Variants in PTPRD observed in about 807,000 individuals in gnomAD.
The protein encoded by PTPRD is receptor-type tyrosine-protein phosphatase delta.
PTPRD carries 34 observed loss-of-function variants against 214.5 expected under a neutral mutation model. The ratio of observed to expected loss-of-function variants is 0.16; its 90% confidence interval spans 0.12 to 0.21. PTPRD has a LOEUF of 0.21. Among genes scored for constraint, PTPRD ranks in the 10% least tolerant of loss-of-function variants. The pLI is 1.00. For synonymous variants in PTPRD, 1,128 were observed against 845.7 expected, an observed-to-expected ratio of 1.33 and a Z score of -5.79; for missense variants, 2,545 against 2,398.7, an observed-to-expected ratio of 1.06 and a Z score of -1.27.
intron 42 of PTPRD, among the ~76,000 whole-genome samples, chr9:8,339,902 T>C (rs1345051466): frequency 6.6e-6 from 1 of 151,858 alleles, no homozygotes; most frequent in Non-Finnish European, 1.5e-5. Flanking sequence ...TTAGAAAAAC[T>C]ATGTTGCTTT....
intron 9 of PTPRD, among the ~76,000 whole-genome samples, chr9:9,287,749 G>C (rs1442110388): frequency 6.6e-6 from 1 of 151,830 alleles, no homozygotes; most frequent in African/African-American, 2.4e-5. Flanking sequence ...AGATATTTCT[G>C]AGAAACACAT....
chr9:8,536,689 G>C (rs553277602), intron 14 of PTPRD, among the ~76,000 whole-genome samples: 1 of 152,096 alleles, frequency 6.6e-6, no homozygotes, highest in Non-Finnish European at 1.5e-5. Context: ...GCTGAGAATG[G>C]CGGGCCTTCT....
intron 4 of PTPRD, among the ~76,000 whole-genome samples, chr9:9,955,112 G>C (rs1018256053): frequency 6.6e-6 from 1 of 152,110 alleles, no homozygotes; most frequent in African/African-American, 2.4e-5. Context: ...TCATATAGTA[G>C]GCATAGAAAG....
intron 3 of PTPRD, among the ~76,000 whole-genome samples, chr9:10,085,694 G>GACAC (rs137973175): frequency 6.6e-6 from 1 of 150,948 alleles, no homozygotes; most frequent in Non-Finnish European, 1.5e-5. Context: ...ACACATACAT[G>GACAC]ACACACACAC....
In PTPRD at chr9:8,317,745, G is replaced by GTAA; in HGVS notation, c.*126_*128dup. ...AATTTGTTTTTAATTTGTTTTGTGT[G>GTAA]TAATAGTCCCACTAAGTAGTTGTTA... On this transcript the variant is annotated 3_prime_UTR_variant, in exon 46 of 46. Coordinates refer to ENST00000381196, the MANE Select transcript of PTPRD (RefSeq NM_002839.4). 2 of 731,094 alleles carry GTAA rather than the reference G, an allele frequency of 2.7e-6. No homozygotes were observed. The highest frequency in any genetic ancestry group is 4.8e-6 in the Non-Finnish European group (2 of 420,434). 45.3% of individuals were successfully genotyped at this position (731,094 alleles called of 1,614,324 possible).
intron 11 of PTPRD, among the ~76,000 whole-genome samples, chr9:8,901,051 G>C (rs2098664768): frequency 6.6e-6 from 1 of 152,116 alleles, no homozygotes. Flanking sequence ...GGAGGAAAAG[G>C]ACAGTATCAG....
At chr9:9,702,631 G>A (rs184510163) in intron 7 of PTPRD, among the ~76,000 whole-genome samples, 46 of 152,256 alleles carry the variant, frequency 3.0e-4, no homozygotes, top group African/African-American at 1.1e-3. Flanking sequence ...GGAGAAAACA[G>A]AAAAGATATT....
At chr9:9,566,092 T>C (rs2084437633) in intron 8 of PTPRD, among the ~76,000 whole-genome samples, 2 of 151,986 alleles carry the variant, frequency 1.3e-5, no homozygotes, top group Admixed American at 1.3e-4. Context: ...TGCACATTTT[T>C]TCTTCTCCAG....
Position 10,528,764 on chromosome 9 carries a change from T to G in PTPRD, c.-600+83634A>C, listed in dbSNP as rs139845120. On this transcript the variant is annotated intron_variant, in intron 2 of 45. Coordinates refer to ENST00000381196, the MANE Select transcript of PTPRD (RefSeq NM_002839.4). ...GGCAGTTGAGATTTAACTGTGAGTG[T>G]CTTTAAATATTCTCTAACAATTACT... 3.9e-3 allele frequency among the ~76,000 whole-genome samples: 587 copies of G among 152,300 alleles called. 4 individuals are homozygous for G. Among genetic ancestry groups the G allele is most frequent in the African/African-American group, 0.013 (553 of 41,562 alleles).
At chr9:9,216,234 A>G (rs1482932394) in intron 9 of PTPRD, among the ~76,000 whole-genome samples, 1 of 152,176 alleles carries the variant, frequency 6.6e-6, no homozygotes, top group East Asian at 1.9e-4. Flanking sequence ...TCAGTACTGT[A>G]CAATGCCTGG....
chr9:9,045,876 A>C (rs930993898), intron 10 of PTPRD, among the ~76,000 whole-genome samples: 10 of 152,198 alleles, frequency 6.6e-5, no homozygotes, highest in Non-Finnish European at 1.3e-4. Flanking sequence ...TTTGACCTGC[A>C]TAAAAGAAAT....
chr9:10,323,722 T>C (rs2096596125), intron 3 of PTPRD, among the ~76,000 whole-genome samples: 3 of 151,980 alleles, frequency 2.0e-5, no homozygotes, highest in Admixed American at 2.0e-4. Flanking sequence ...ATCTTAAACT[T>C]TGTCTGCTGA....
At chr9:8,544,970 T>C (rs1435066848) in intron 14 of PTPRD, among the ~76,000 whole-genome samples, 2 of 147,964 alleles carry the variant, frequency 1.4e-5, no homozygotes, top group Admixed American at 6.8e-5. Context: ...TTCACTTTCC[T>C]AAAACATGAT....
intron 7 of PTPRD, among the ~76,000 whole-genome samples, chr9:9,716,439 A>G (rs2097833678): frequency 6.6e-6 from 1 of 151,968 alleles, no homozygotes; most frequent in Non-Finnish European, 1.5e-5. Context: ...ACTGACTTCC[A>G]CAAGGGTTGA....
chr9:9,070,618 A>G (rs940594466), intron 10 of PTPRD, among the ~76,000 whole-genome samples: 2 of 152,338 alleles, frequency 1.3e-5, no homozygotes, highest in South Asian at 4.1e-4. Flanking sequence ...ATTTTAAAAT[A>G]AAAGCAATAA....
At chr9:9,647,931 T>C (rs2096239024) in intron 7 of PTPRD, among the ~76,000 whole-genome samples, 1 of 152,226 alleles carries the variant, frequency 6.6e-6, no homozygotes, top group African/African-American at 2.4e-5. Flanking sequence ...TTTAATTGTG[T>C]GTGGCTTCTG....
At chr9:9,426,333 A>C (rs1053166732) in intron 8 of PTPRD, among the ~76,000 whole-genome samples, 1 of 152,164 alleles carries the variant, frequency 6.6e-6, no homozygotes, top group East Asian at 1.9e-4. Flanking sequence ...CTGAGATCGA[A>C]CTGCAAGGCG....
intron 44 of PTPRD, among the ~76,000 whole-genome samples, chr9:8,324,083 G>C (rs1009904696): frequency 3.3e-5 from 5 of 151,290 alleles, no homozygotes; most frequent in African/African-American, 1.2e-4. Context: ...CTTACCGGAG[G>C]CTCAGATGAT....
Position 9,568,389 on chromosome 9 carries a change from T to A in PTPRD, c.-237+6343A>T, listed in dbSNP as rs557768861. Among the ~76,000 whole-genome samples, 104 of 152,032 alleles carry A rather than the reference T, an allele frequency of 6.8e-4. 1 individual carries two copies. Among genetic ancestry groups the A allele is most frequent in the Admixed American group, 3.3e-3 (50 of 15,214 alleles). On this transcript the variant is annotated intron_variant, in intron 8 of 45. Transcript: ENST00000381196. Reference sequence around the variant, plus strand: ...GGCTTCCTAAGTTCCACAAATATTCTGCCTTCTCATCTTTAATACATTTCA... The same window carrying A: ...GGCTTCCTAAGTTCCACAAATATTCAGCCTTCTCATCTTTAATACATTTCA...
Sources: gnomAD v4.1 joint callset for allele counts (sites outside exome capture counted in the v4.1 genomes callset) on GRCh38, gnomAD v4.1.1 for gene constraint, MANE v1.5 for transcripts, NCBI Gene and HGNC (gene_info 2026-07-23, HGNC 2026-07-21) for gene names.